DZANK1: variants seen among roughly 807,000 people sequenced by gnomAD.
DZANK1 encodes the protein double zinc ribbon and ankyrin repeat domains 1, also known as double zinc ribbon and ankyrin repeat-containing protein 1.
Under a neutral mutation model 94.5 loss-of-function variants are expected in DZANK1, and 91 were observed. The ratio of observed to expected loss-of-function variants is 0.96; its 90% confidence interval spans 0.81 to 1.15. DZANK1 has a LOEUF of 1.15. Among genes scored for constraint, DZANK1 ranks in the 50% most tolerant of loss-of-function variants. DZANK1 has a pLI of 0.00. For missense variants in DZANK1, 903 were observed against 916.4 expected, an observed-to-expected ratio of 0.99 and a Z score of 0.19; for synonymous variants, 312 against 325.3, an observed-to-expected ratio of 0.96 and a Z score of 0.44.
intron 14 of DZANK1, among the ~76,000 whole-genome samples, chr20:18,398,087 C>T (rs1469954381): frequency 2.6e-5 from 4 of 152,092 alleles, no homozygotes; most frequent in Non-Finnish European, 5.9e-5. Context: ...GGTAATACAC[C>T]TCCCTTGCAG....
chr20:18,439,578 A>T (rs1472591563), intron 8 of DZANK1, among the ~76,000 whole-genome samples: 1 of 152,178 alleles, frequency 6.6e-6, no homozygotes, highest in Non-Finnish European at 1.5e-5. Context: ...GCTGCCACTT[A>T]ACTTCTGCTA....
intron 7 of DZANK1, among the ~76,000 whole-genome samples, chr20:18,445,497 T>A (rs145687273): frequency 6.2e-4 from 94 of 152,326 alleles, no homozygotes; most frequent in African/African-American, 2.0e-3. Context: ...TAAACCTAAT[T>A]GATATTTATA....
intron 13 of DZANK1, among the ~76,000 whole-genome samples, chr20:18,406,690 T>C (rs558652526): frequency 6.6e-6 from 1 of 152,300 alleles, no homozygotes; most frequent in African/African-American, 2.4e-5. Flanking sequence ...GGACTTCATC[T>C]TGCACCCTAG....
At chr20:18,391,972 A>G (rs1300473700) in intron 17 of DZANK1, among the ~76,000 whole-genome samples, 2 of 152,260 alleles carry the variant, frequency 1.3e-5, no homozygotes, top group East Asian at 3.8e-4. Flanking sequence ...TGCAGTAGGC[A>G]TGTCAGCTTC....
exon 20 of DZANK1, chr20:18,385,046 G>T: frequency 1.3e-6 from 2 of 1,553,138 alleles, no homozygotes; most frequent in Non-Finnish European, 1.7e-6. Context: ...CTCTCTTCCT[G>T]CAAGGCCAAG....
chr20:18,434,305 G>GA (rs2058421546), intron 8 of DZANK1, among the ~76,000 whole-genome samples: 1 of 152,062 alleles, frequency 6.6e-6, no homozygotes, highest in Non-Finnish European at 1.5e-5. Context: ...AACACTTTGG[G>GA]AGGCCGAGGT....
rs766010620 is a variant in DZANK1 at position 18,394,273 on chromosome 20, G to A, written c.1689C>T (p.Cys563=). 1.4e-5 allele frequency: 22 copies of A among 1,613,230 alleles called. No individual in the cohort carries two copies. The Admixed American group carries it at 1.8e-4, about 13-fold the overall frequency. The change falls in exon 16 of 21, where the codon TGC becomes TGT. Residue 563 remains cysteine (C), a synonymous_variant. Coordinates refer to ENST00000262547, the Ensembl canonical transcript of DZANK1. ...ACTCACCCCAGCTGGACCTGCTGCC[G>A]CACAGCCCCCCATCACCCTCGGCAG...
At chr20:18,388,413 A>G (rs1201755214) in intron 19 of DZANK1, among the ~76,000 whole-genome samples, 1 of 152,238 alleles carries the variant, frequency 6.6e-6, no homozygotes, top group Non-Finnish European at 1.5e-5. Context: ...AATCTGTTCA[A>G]TGCCCAGGGC....
At chr20:18,409,115 A>G (rs2057103367) in intron 13 of DZANK1, among the ~76,000 whole-genome samples, 1 of 152,114 alleles carries the variant, frequency 6.6e-6, no homozygotes, top group Admixed American at 6.5e-5. Flanking sequence ...AAAATATCTC[A>G]CGTACCCCAT....
chr20:18,391,150 A>C (rs1423465123), intron 17 of DZANK1, among the ~76,000 whole-genome samples: 1 of 152,176 alleles, frequency 6.6e-6, no homozygotes, highest in Non-Finnish European at 1.5e-5. Flanking sequence ...GAGATCATAC[A>C]ACTACACTCC....
chr20:18,453,983 A>T (rs1357866265), intron 4 of DZANK1, 156 bp from the exon 5 acceptor site: 2 of 745,204 alleles, frequency 2.7e-6, no homozygotes, highest in Admixed American at 1.7e-5. Flanking sequence ...TTCTGGAAAC[A>T]TGCAGCTTTG....
At chr20:18,416,178 A>G (rs1389518583) in intron 10 of DZANK1, among the ~76,000 whole-genome samples, 1 of 152,176 alleles carries the variant, frequency 6.6e-6, no homozygotes. Flanking sequence ...GGGGACACAG[A>G]GAGGGTGAGA....
chr20:18,449,299 A>G (rs2059007225), intron 6 of DZANK1, among the ~76,000 whole-genome samples: 1 of 152,188 alleles, frequency 6.6e-6, no homozygotes, highest in African/African-American at 2.4e-5. Context: ...AGGGTACCCT[A>G]GAAGCCCAAA....
At position 18,440,067 on chromosome 20, in the gene DZANK1, G is replaced by GGGTTGTGT. The variant is rs1344810992; in HGVS notation, c.747+3279_747+3280insACACAACC. Among the ~76,000 whole-genome samples the GGGTTGTGT allele has an allele frequency of 7.2e-5, 11 of 152,276 alleles. No individual in the cohort carries two copies. In the East Asian group the frequency reaches 2.1e-3, roughly 29 times the overall value. ...ACCAGGGTTGTGTACCCAGAGGAAA[G>GGGTTGTGT]GCCAAGTAAGGACACATCAGGAAGG... On this transcript the variant is annotated intron_variant, in intron 8 of 20. Transcript: ENST00000262547.
chr20:18,445,919 A>T (rs2058860778), intron 7 of DZANK1, among the ~76,000 whole-genome samples: 1 of 151,604 alleles, frequency 6.6e-6, no homozygotes. Flanking sequence ...CACCATGCCT[A>T]ATTTTTTTTT....
At chr20:18,422,063 G>T (rs2057805423) in intron 10 of DZANK1, among the ~76,000 whole-genome samples, 1 of 152,088 alleles carries the variant, frequency 6.6e-6, no homozygotes, top group African/African-American at 2.4e-5. Context: ...TTTTTAGTTT[G>T]ATGTAATTCT....
intron 8 of DZANK1, among the ~76,000 whole-genome samples, chr20:18,437,985 G>A (rs539839167): frequency 1.3e-5 from 2 of 152,046 alleles, no homozygotes; most frequent in South Asian, 2.1e-4. Context: ...TTGGGAGGCC[G>A]AGGCGGGCGG....
chr20:18,393,799 C>G, exon 17 of DZANK1: 4 of 1,610,858 alleles, frequency 2.5e-6, no homozygotes, highest in Non-Finnish European at 3.4e-6. Flanking sequence ...GGTACTCTGG[C>G]TGTAGTCACT....
In DZANK1 at chr20:18,433,394, T is replaced by A. The variant is rs142724908; in HGVS notation, c.861+258A>T. 655 of 373,138 alleles carry A rather than the reference T, an allele frequency of 1.8e-3. 5 individuals carry two copies. The highest frequency in any genetic ancestry group is 0.012 in the African/African-American group (578 of 47,330). The allele number at this position is 373,138 out of a possible 1,614,324, so 23.1% of individuals were successfully genotyped here. A position where few individuals can be genotyped will look rare whatever the true frequency, so the allele number is the denominator to read the frequency against. The stretch of plus-strand genomic sequence containing the variant: ...CCATGTCTACTAAAAATATAAAAAT[T>A]AGCCATGCGTGGTGGTGCACGCCTG... On this transcript the variant is annotated intron_variant, in intron 9 of 20. Coordinates refer to ENST00000262547, the Ensembl canonical transcript of DZANK1.
Sources: allele counts gnomAD v4.1 joint callset (sites outside exome capture counted in the v4.1 genomes callset), GRCh38; gene constraint gnomAD v4.1.1; transcripts MANE v1.5; gene names NCBI Gene and HGNC (gene_info 2026-07-23, HGNC 2026-07-21).